Variants in CSMD1 observed in about 807,000 individuals in gnomAD.
CSMD1 encodes the protein CUB and sushi domain-containing protein 1.
CSMD1 carries 213 observed loss-of-function variants against 417.5 expected under a neutral mutation model. That is an observed-to-expected ratio of 0.51 (90% CI 0.46 to 0.57). CSMD1 has a LOEUF of 0.57. Among genes scored for constraint, CSMD1 ranks in the 20% least tolerant of loss-of-function variants. CSMD1 has a pLI of 0.00. For missense variants in CSMD1, 6,923 were observed against 4,529.7 expected, an observed-to-expected ratio of 1.53 and a Z score of -15.17; for synonymous variants, 2,862 against 1,736.8, an observed-to-expected ratio of 1.65 and a Z score of -16.11.
chr8:3,589,061 T>C (rs1328139768), intron 8 of CSMD1, among the ~76,000 whole-genome samples: 1 of 152,200 alleles, frequency 6.6e-6, no homozygotes, highest in Non-Finnish European at 1.5e-5. Flanking sequence ...ATGGCTATTA[T>C]CAAAAAGACA....
At chr8:3,553,259 C>G (rs1414383060) in intron 10 of CSMD1, among the ~76,000 whole-genome samples, 1 of 152,060 alleles carries the variant, frequency 6.6e-6, no homozygotes, top group South Asian at 2.1e-4. Context: ...AGCCATAGTT[C>G]GGAGCTGCAG....
rs144942445 is a variant in CSMD1, at chr8:3,536,616, G to A, written c.1344+38329C>T. Among the ~76,000 whole-genome samples, 553 of 152,292 alleles carry A rather than the reference G, an allele frequency of 3.6e-3. 3 individuals carry two copies. The highest frequency in any genetic ancestry group is 0.017 in the Middle Eastern group (5 of 294). ...CATCATGAATAGTGTGAACAGAAACGGTAATTCAGAAGTGTGAGCTGTCAC... is the reference window on the plus strand; with the variant it reads ...CATCATGAATAGTGTGAACAGAAACAGTAATTCAGAAGTGTGAGCTGTCAC... On this transcript the variant is annotated intron_variant, in intron 10 of 69. Transcript: ENST00000635120.
chr8:4,322,308 A>G (rs906527823), intron 3 of CSMD1, among the ~76,000 whole-genome samples: 56 of 149,278 alleles, frequency 3.8e-4, no homozygotes, highest in African/African-American at 1.2e-3. Context: ...TTATCTGCAT[A>G]TTTGAAGAGA....
intron 20 of CSMD1, among the ~76,000 whole-genome samples, chr8:3,366,287 G>A (rs1307009611): frequency 1.3e-5 from 2 of 152,148 alleles, no homozygotes; most frequent in African/African-American, 4.8e-5. Flanking sequence ...GAGGTTCTCA[G>A]TGTGACCTGT....
intron 27 of CSMD1, among the ~76,000 whole-genome samples, chr8:3,225,216 G>GA (rs1445227110): frequency 7.2e-6 from 1 of 139,314 alleles, no homozygotes; most frequent in Non-Finnish European, 1.6e-5. Context: ...TTTATAGGAA[G>GA]AAATAACAAC....
intron 37 of CSMD1, among the ~76,000 whole-genome samples, chr8:3,165,287 C>T (rs1468519254): frequency 6.6e-6 from 1 of 152,070 alleles, no homozygotes; most frequent in Non-Finnish European, 1.5e-5. Flanking sequence ...TGACAAAGTG[C>T]ATAAGCGATT....
intron 3 of CSMD1, among the ~76,000 whole-genome samples, chr8:4,404,478 G>C (rs1804872908): frequency 1.3e-5 from 2 of 152,070 alleles, no homozygotes; most frequent in South Asian, 2.1e-4. Flanking sequence ...CTATGTTTGA[G>C]GCATATTGAG....
intron 25 of CSMD1, among the ~76,000 whole-genome samples, chr8:3,301,286 T>A (rs1352860553): frequency 6.6e-6 from 1 of 151,924 alleles, no homozygotes; most frequent in Non-Finnish European, 1.5e-5. Flanking sequence ...GTTAGGAGGG[T>A]CTACCCAGCG....
At position 3,574,983 on chromosome 8, in the gene CSMD1, G is replaced by C; in HGVS notation, c.1306C>G (p.His436Asp). The C allele has an allele frequency of 6.2e-7, 1 of 1,613,070 alleles. No homozygotes were observed. Among genetic ancestry groups the C allele is most frequent in the Non-Finnish European group, 8.5e-7 (1 of 1,179,770 alleles). ...NYPVQYEDNA[H>D]CVWVITTTDP... ...GTGGTGGTGATGACCCACACACAGT[G>C]TGCATTATCTTCATACTGAACCGGA... The change falls in exon 10 of 70, where the codon CAC becomes GAC. Residue 436 changes from histidine (H) to aspartate (D), a missense_variant. Coordinates refer to ENST00000635120, the MANE Select transcript of CSMD1 (RefSeq NM_033225.6).
chr8:4,049,934 C>T (rs975029569), intron 3 of CSMD1, among the ~76,000 whole-genome samples: 6 of 152,092 alleles, frequency 3.9e-5, no homozygotes, highest in African/African-American at 9.7e-5. Context: ...TACCACACTG[C>T]GTTTACGTGC....
At chr8:3,646,468 T>C (rs1797577164) in intron 7 of CSMD1, among the ~76,000 whole-genome samples, 2 of 152,216 alleles carry the variant, frequency 1.3e-5, no homozygotes, top group Admixed American at 1.3e-4. Flanking sequence ...TCGCACCTAT[T>C]ATAATAATCA....
Position 3,586,215 on chromosome 8 carries a change from G to T in CSMD1, c.1143C>A (p.Leu381=), listed in dbSNP as rs754275799. The change falls in exon 9 of 70, where the codon CTC becomes CTA. Residue 381 remains leucine, a synonymous_variant. Coordinates refer to ENST00000635120, the MANE Select transcript of CSMD1 (RefSeq NM_033225.6). ...VQFSCEDNYV[L]QGSKSITCQR... is the part of the protein sequence containing the mutation. ...GACAGGTGATGCTTTTAGATCCCTG[G>T]AGCACGTAATTGTCCTCACATGAAA... 1 of 1,611,258 alleles carries T rather than the reference G, an allele frequency of 6.2e-7. No homozygotes were observed.
chr8:4,651,297 T>G (rs1803878483), intron 1 of CSMD1, among the ~76,000 whole-genome samples: 1 of 151,962 alleles, frequency 6.6e-6, no homozygotes, highest in Non-Finnish European at 1.5e-5. Flanking sequence ...TGTTAAAGAT[T>G]TGGTATTTCC....
chr8:3,529,716 A>G (rs541715630), intron 10 of CSMD1, among the ~76,000 whole-genome samples: 3 of 152,284 alleles, frequency 2.0e-5, no homozygotes, highest in East Asian at 1.9e-4. Context: ...CTTGGGAGAT[A>G]TATCTGTTGT....
intron 2 of CSMD1, among the ~76,000 whole-genome samples, chr8:4,619,404 A>G (rs1801648066): frequency 6.6e-6 from 1 of 152,150 alleles, no homozygotes; most frequent in African/African-American, 2.4e-5. Context: ...CTTTTCATGA[A>G]ATAATTAATT....
chr8:4,043,040 G>A (rs1797973297), intron 3 of CSMD1, among the ~76,000 whole-genome samples: 1 of 151,972 alleles, frequency 6.6e-6, no homozygotes, highest in South Asian at 2.1e-4. Flanking sequence ...GTTGAAGCAG[G>A]AGAATCACTT....
Position 3,341,911 on chromosome 8 carries a change from C to T in CSMD1, c.3631+1383G>A, listed in dbSNP as rs536972871. Reference sequence around the variant, plus strand: ...AATACATTGAACATCTCGACAGGGACGAGAAGTGGAAAAAACAATCACAAT... The same window carrying T: ...AATACATTGAACATCTCGACAGGGATGAGAAGTGGAAAAAACAATCACAAT... On this transcript the variant is annotated intron_variant, in intron 23 of 69. Coordinates refer to ENST00000635120, the MANE Select transcript of CSMD1 (RefSeq NM_033225.6). Among the ~76,000 whole-genome samples the T allele has an allele frequency of 2.3e-3, 349 of 152,158 alleles. 2 individuals are homozygous for T. Among genetic ancestry groups the T allele is most frequent in the African/African-American group, 8.0e-3 (333 of 41,502 alleles).
At chr8:3,923,759 TCTC>T (rs1319506678) in intron 5 of CSMD1, among the ~76,000 whole-genome samples, 2 of 152,166 alleles carry the variant, frequency 1.3e-5, no homozygotes, top group Non-Finnish European at 2.9e-5. Context: ...TTGACAAACA[TCTC>T]CTCATTTTCA....
chr8:3,803,373 G>T (rs1022075893), intron 5 of CSMD1, among the ~76,000 whole-genome samples: 2 of 152,138 alleles, frequency 1.3e-5, no homozygotes, highest in Admixed American at 6.5e-5. Context: ...ATGGTAAGCT[G>T]ATCACTGAAC....
Sources: allele counts gnomAD v4.1 joint callset (sites outside exome capture counted in the v4.1 genomes callset), GRCh38; gene constraint gnomAD v4.1.1; transcripts MANE v1.5; gene names NCBI Gene and HGNC (gene_info 2026-07-23, HGNC 2026-07-21).